GHR: variants seen among roughly 807,000 people sequenced by gnomAD.
The protein encoded by GHR is GH receptor.
GHR carries 35 observed loss-of-function variants against 67.1 expected under a neutral mutation model. The ratio of observed to expected loss-of-function variants is 0.52; its 90% confidence interval spans 0.40 to 0.69. The LOEUF is 0.69. Ranked by LOEUF, GHR falls within the 30% of genes least tolerant of loss-of-function variation. The pLI, the probability that GHR is intolerant of heterozygous loss-of-function variation, is 0.00. For missense variants in GHR, 792 were observed against 764.6 expected (o/e 1.04, Z -0.42); for synonymous variants, 272 against 269.1 (o/e 1.01, Z -0.10).
intron 3 of GHR, among the ~76,000 whole-genome samples, chr5:42,662,328 A>G (rs1755686461): frequency 6.6e-6 from 1 of 152,344 alleles, no homozygotes; most frequent in South Asian, 2.1e-4. Flanking sequence ...CACCACACCT[A>G]TTCCAAAATT....
intron 2 of GHR, among the ~76,000 whole-genome samples, chr5:42,601,051 T>C (rs192937794): frequency 1.2e-4 from 18 of 149,598 alleles, no homozygotes; most frequent in South Asian, 2.2e-4. Context: ...CTCAGCCTCC[T>C]GAGTAGCTGG....
chr5:42,595,327 A>G (rs895051561), intron 2 of GHR, among the ~76,000 whole-genome samples: 3 of 152,232 alleles, frequency 2.0e-5, no homozygotes, highest in South Asian at 2.1e-4. Flanking sequence ...GAAATGCTCA[A>G]TGCTGCAGTA....
chr5:42,665,930 T>C (rs1374297121), intron 3 of GHR, among the ~76,000 whole-genome samples: 1 of 151,974 alleles, frequency 6.6e-6, no homozygotes, highest in African/African-American at 2.4e-5. Context: ...ATGAGACTTA[T>C]TCACTGTCAT....
intron 6 of GHR, among the ~76,000 whole-genome samples, chr5:42,708,964 T>C (rs1169544395): frequency 2.0e-5 from 3 of 152,196 alleles, no homozygotes; most frequent in Non-Finnish European, 2.9e-5. Flanking sequence ...GACCAGGGGC[T>C]TATATATAAT....
intron 2 of GHR, among the ~76,000 whole-genome samples, chr5:42,592,016 C>T (rs980126184): frequency 5.9e-5 from 9 of 152,014 alleles, no homozygotes; most frequent in Admixed American, 4.6e-4. Flanking sequence ...AGACCACCAG[C>T]GTCCCCACTG....
intron 1 of GHR, among the ~76,000 whole-genome samples, chr5:42,452,679 T>C (rs1359009730): frequency 6.6e-6 from 1 of 152,148 alleles, no homozygotes; most frequent in Non-Finnish European, 1.5e-5. Flanking sequence ...TTGTTCTAGT[T>C]TGTTGCTGAA....
intron 5 of GHR, among the ~76,000 whole-genome samples, chr5:42,697,502 G>A (rs1757730680): frequency 6.6e-6 from 1 of 152,018 alleles, no homozygotes; most frequent in African/African-American, 2.4e-5. Context: ...AAGAAGGATT[G>A]GAGAGGATAA....
In GHR at chr5:42,562,644, C is replaced by CTT. The variant is rs1212633265; in HGVS notation, c.-11-3197_-11-3196dup. 8.2e-3 allele frequency among the ~76,000 whole-genome samples: 633 copies of CTT among 77,666 alleles called. 12 individuals are homozygous for CTT. Among genetic ancestry groups the CTT allele is most frequent in the East Asian group, 0.073 (143 of 1,962 alleles). The allele number at this position is 77,666 out of a possible 152,430, so 51.0% of individuals were successfully genotyped here. On this transcript the variant is annotated intron_variant, in intron 1 of 9. Transcript: ENST00000230882. The stretch of plus-strand genomic sequence containing the variant: ...GCTTGTAAAGGAAGTGTTATAGTTC[C>CTT]TTTTTTTTTTTTTTTTTTTTTTTTG...
chr5:42,462,153 A>G (rs887912654), intron 1 of GHR, among the ~76,000 whole-genome samples: 1 of 152,220 alleles, frequency 6.6e-6, no homozygotes, highest in Non-Finnish European at 1.5e-5. Context: ...ACCCACATAT[A>G]GACACCGAAT....
Position 42,719,460 on chromosome 5 carries a change from A to T in GHR, c.*36A>T, listed in dbSNP as rs376523421. The T allele has an allele frequency of 2.4e-4, 384 of 1,596,430 alleles. 1 individual carries two copies. Among genetic ancestry groups the T allele is most frequent in the South Asian group, 9.1e-4 (82 of 90,590 alleles). ...GTTTCCCAAGAGCTACGTATTTAATAGCAAAGAATTGACTGGGGCAATAAC... is the reference window on the plus strand; with the variant it reads ...GTTTCCCAAGAGCTACGTATTTAATTGCAAAGAATTGACTGGGGCAATAAC... On this transcript the variant is annotated 3_prime_UTR_variant, in exon 10 of 10. Coordinates refer to ENST00000230882, the MANE Select transcript of GHR (RefSeq NM_000163.5).
At chr5:42,674,463 A>G (rs1756472177) in intron 3 of GHR, among the ~76,000 whole-genome samples, 1 of 152,118 alleles carries the variant, frequency 6.6e-6, no homozygotes, top group Admixed American at 6.5e-5. Flanking sequence ...GAACATTTTC[A>G]TTACTTCCTC....
chr5:42,717,072 T>TG (rs1216707923), intron 8 of GHR, among the ~76,000 whole-genome samples: 1 of 152,138 alleles, frequency 6.6e-6, no homozygotes, highest in African/African-American at 2.4e-5. Flanking sequence ...TTTGGGAGGA[T>TG]GGGGCGGGAG....
intron 3 of GHR, among the ~76,000 whole-genome samples, chr5:42,683,749 A>G (rs1757001730): frequency 6.6e-6 from 1 of 152,106 alleles, no homozygotes; most frequent in African/African-American, 2.4e-5. Context: ...ACAAGAACAA[A>G]ACAGCTCTGC....
At chr5:42,448,879 G>T (rs1743931738) in intron 1 of GHR, among the ~76,000 whole-genome samples, 1 of 152,032 alleles carries the variant, frequency 6.6e-6, no homozygotes, top group African/African-American at 2.4e-5. Context: ...AGCACCATTT[G>T]TTGACTAGGG....
chr5:42,467,648 C>T (rs1305845157), intron 1 of GHR: 1 of 1,606,080 alleles, frequency 6.2e-7, no homozygotes. Flanking sequence ...GGTTTCTGTC[C>T]AGTGTGGATT....
At chr5:42,427,212 C>T (rs1742891219) in intron 1 of GHR, among the ~76,000 whole-genome samples, 1 of 152,184 alleles carries the variant, frequency 6.6e-6, no homozygotes, top group Non-Finnish European at 1.5e-5. Flanking sequence ...AGTCTGTTCT[C>T]ATGCTGCTAA....
At chr5:42,604,841 T>G (rs1488957363) in intron 2 of GHR, among the ~76,000 whole-genome samples, 1 of 152,118 alleles carries the variant, frequency 6.6e-6, no homozygotes, top group Non-Finnish European at 1.5e-5. Flanking sequence ...ATAAACTCAG[T>G]GAGCATCTTT....
chr5:42,464,014 AAAG>A (rs1440955979), intron 1 of GHR, among the ~76,000 whole-genome samples: 3,903 of 126,534 alleles, frequency 0.031, 125 homozygotes, highest in African/African-American at 0.047. Flanking sequence ...AAAAAAAAAA[AAAG>A]AAAAAGAAAT....
intron 1 of GHR, among the ~76,000 whole-genome samples, chr5:42,430,248 T>C (rs1743032893): frequency 6.6e-6 from 1 of 152,224 alleles, no homozygotes; most frequent in Non-Finnish European, 1.5e-5. Context: ...ACCTACCTGG[T>C]GTGACTGATT....
Sources: gnomAD v4.1 joint callset for allele counts (sites outside exome capture counted in the v4.1 genomes callset) on GRCh38, gnomAD v4.1.1 for gene constraint, MANE v1.5 for transcripts, NCBI Gene and HGNC (gene_info 2026-07-23, HGNC 2026-07-21) for gene names.